EYS: variants seen among roughly 807,000 people sequenced by gnomAD.
The protein encoded by EYS is protein eyes shut homolog.
EYS carries 250 observed loss-of-function variants against 282.1 expected under a neutral mutation model. The observed-to-expected ratio is 0.89, with a 90% confidence interval of 0.80 to 0.98. The LOEUF (loss-of-function observed/expected upper bound fraction) is 0.98, where lower values mean the gene tolerates loss of function less well. EYS is among the 50% of genes least tolerant of loss of function. The pLI is 0.00. For synonymous variants in EYS, 1,355 were observed against 1,282.9 expected (o/e 1.06, Z -1.20); for missense variants, 4,016 against 3,709.0 (o/e 1.08, Z -2.15).
At chr6:65,276,405 C>T (rs755101873) in intron 12 of EYS, among the ~76,000 whole-genome samples, 12 of 151,510 alleles carry the variant, frequency 7.9e-5, no homozygotes, top group Non-Finnish European at 1.8e-4. Context: ...GTGCTTCCAC[C>T]CAGAAAAGAA....
intron 5 of EYS, among the ~76,000 whole-genome samples, chr6:65,416,071 G>C (rs1356487846): frequency 6.6e-6 from 1 of 151,860 alleles, no homozygotes; most frequent in Admixed American, 6.6e-5. Context: ...AATTGCACAA[G>C]AAGAGAAAGG....
intron 36 of EYS, among the ~76,000 whole-genome samples, chr6:63,830,832 C>T (rs1771611506): frequency 6.6e-6 from 1 of 152,178 alleles, no homozygotes; most frequent in African/African-American, 2.4e-5. Flanking sequence ...TCAGGTTACC[C>T]ACAAAGGGAA....
intron 2 of EYS, among the ~76,000 whole-genome samples, chr6:65,517,458 T>A (rs540205591): frequency 1.3e-5 from 2 of 152,138 alleles, no homozygotes; most frequent in East Asian, 3.9e-4. Context: ...AATCTGCCTT[T>A]ACATCCAAGC....
At chr6:65,202,578 C>A (rs983981069) in intron 12 of EYS, among the ~76,000 whole-genome samples, 3 of 152,098 alleles carry the variant, frequency 2.0e-5, no homozygotes, top group Non-Finnish European at 2.9e-5. Context: ...GCGGCCTGAT[C>A]TCCAGCAGGG....
chr6:64,213,090 G>C (rs1460161758), intron 31 of EYS, among the ~76,000 whole-genome samples: 1 of 152,036 alleles, frequency 6.6e-6, no homozygotes, highest in Admixed American at 6.6e-5. Flanking sequence ...CCTATTGGAG[G>C]GTGCAGAGTG....
intron 36 of EYS, among the ~76,000 whole-genome samples, chr6:63,827,046 T>G (rs1359680852): frequency 6.6e-6 from 1 of 151,940 alleles, no homozygotes; most frequent in African/African-American, 2.4e-5. Context: ...ACCTAACACA[T>G]TAAGAACTCA....
chr6:65,560,057 A>G (rs972234337), intron 2 of EYS, among the ~76,000 whole-genome samples: 15 of 150,358 alleles, frequency 1.0e-4, no homozygotes, highest in Non-Finnish European at 1.9e-4. Flanking sequence ...ATAATGATCA[A>G]TGATCATATC....
chr6:65,143,264 T>A (rs1764394201), intron 12 of EYS, among the ~76,000 whole-genome samples: 1 of 81,214 alleles, frequency 1.2e-5, no homozygotes, highest in Middle Eastern at 6.1e-3. Flanking sequence ...ACTGAAAGAT[T>A]TTTTTTTTTG....
chr6:65,018,905 A>C lies in EYS; in HGVS notation c.2138-21202T>G, dbSNP rs542187864. On this transcript the variant is annotated intron_variant, in intron 13 of 42. Transcript: ENST00000503581. ...TTGTGCTTTTTGCAATCTTAGCTTA[A>C]ATAATATTTTAAAAATCATAGGTAC... Among the ~76,000 whole-genome samples, 3 of 152,276 alleles carry C rather than the reference A, an allele frequency of 2.0e-5. No individual in the cohort carries two copies. The South Asian group carries it at 6.2e-4, about 32-fold the overall frequency.
intron 19 of EYS, among the ~76,000 whole-genome samples, chr6:64,868,435 T>C (rs910840106): frequency 6.6e-6 from 1 of 151,596 alleles, no homozygotes; most frequent in Non-Finnish European, 1.5e-5. Context: ...TATACCTAAA[T>C]ACAAAGCCAA....
rs534513229 is a variant in EYS, at chr6:64,699,522, G to A, written c.3444-73277C>T. ...ATAGAAAGGGGTCTCCTTTACAGTT[G>A]ATACCACAGAAATTCAAAGGATCAT... On this transcript the variant is annotated intron_variant, in intron 22 of 42. Transcript: ENST00000503581. Among the ~76,000 whole-genome samples the A allele has an allele frequency of 2.2e-4, 34 of 152,130 alleles. 1 individual carries two copies. The highest frequency in any genetic ancestry group is 8.2e-4 in the African/African-American group (34 of 41,528).
intron 12 of EYS, among the ~76,000 whole-genome samples, chr6:65,182,866 G>A (rs555081433): frequency 1.3e-4 from 19 of 151,928 alleles, no homozygotes; most frequent in African/African-American, 2.2e-4. Flanking sequence ...TTGACTCACC[G>A]CATCCTTGAC....
At chr6:65,362,569 TTA>T (rs1051756975) in intron 8 of EYS, among the ~76,000 whole-genome samples, 6 of 151,760 alleles carry the variant, frequency 4.0e-5, no homozygotes, top group African/African-American at 9.7e-5. Context: ...TTACACATTA[TTA>T]TATATATACA....
intron 12 of EYS, among the ~76,000 whole-genome samples, chr6:65,276,825 C>G (rs1189660788): frequency 6.6e-6 from 1 of 152,062 alleles, no homozygotes; most frequent in Admixed American, 6.5e-5. Context: ...GACCATGTGA[C>G]TAGTTACAGA....
At chr6:64,095,980 T>C (rs1222539548) in intron 31 of EYS, among the ~76,000 whole-genome samples, 1 of 152,226 alleles carries the variant, frequency 6.6e-6, no homozygotes, top group Non-Finnish European at 1.5e-5. Context: ...CATTTGCTTA[T>C]CTGTAAAGTA....
At chr6:65,604,062 T>A (rs770595897) in intron 2 of EYS, among the ~76,000 whole-genome samples, 1 of 151,728 alleles carries the variant, frequency 6.6e-6, no homozygotes, top group Non-Finnish European at 1.5e-5. Flanking sequence ...GCGGAAAAAA[T>A]AGGAATACTG....
chr6:65,582,858 T>C (rs1260496567), intron 2 of EYS, among the ~76,000 whole-genome samples: 2 of 152,118 alleles, frequency 1.3e-5, no homozygotes, highest in African/African-American at 4.8e-5. Context: ...ACATTTTTTG[T>C]TTTGTTTTTT....
At chr6:65,018,623 C>A (rs1256326182) in intron 13 of EYS, among the ~76,000 whole-genome samples, 1 of 152,160 alleles carries the variant, frequency 6.6e-6, no homozygotes, top group East Asian at 1.9e-4. Flanking sequence ...ACAACTCAAT[C>A]AAATACAATG....
At chr6:64,329,512 C>T (rs1489861573) in intron 29 of EYS, among the ~76,000 whole-genome samples, 3 of 151,732 alleles carry the variant, frequency 2.0e-5, no homozygotes, top group Non-Finnish European at 4.4e-5. Flanking sequence ...GAAAATGAGG[C>T]AATGTATAAG....
Sources: gnomAD v4.1 joint callset for allele counts (sites outside exome capture counted in the v4.1 genomes callset) on GRCh38, gnomAD v4.1.1 for gene constraint, MANE v1.5 for transcripts, NCBI Gene and HGNC (gene_info 2026-07-23, HGNC 2026-07-21) for gene names.